The following INSL6 variants were observed in gnomAD, a reference collection of about 807,000 sequenced individuals.
INSL6 encodes the protein insulin like 6.
A neutral mutation model predicts 9.4 loss-of-function variants in INSL6; 16 were observed. The observed-to-expected ratio is 1.70, with a 90% confidence interval of 1.15 to 2.59. INSL6 has a LOEUF of 2.59. Ranked by LOEUF, INSL6 falls within the 30% of genes most tolerant of loss-of-function variation. INSL6 has a pLI of 0.00. For synonymous variants in INSL6, 154 were observed against 96.9 expected (o/e 1.59, Z -3.46); for missense variants, 391 against 257.3 (o/e 1.52, Z -3.56).
chr9:5,090,936 T>C, the INSL6 span: 3 of 1,481,128 alleles, frequency 2.0e-6, no homozygotes, highest in Middle Eastern at 2.1e-4. Context: ...GTATGATAAA[T>C]GAAATTTTAG....
At chr9:5,078,164 C>A in the INSL6 span, 66 of 587,162 alleles carry the variant, frequency 1.1e-4, no homozygotes, top group Non-Finnish European at 1.7e-4. Context: ...TCATAAATTT[C>A]CTTTTTTCTC....
chr9:5,054,982 C>G, the INSL6 span: 2 of 835,032 alleles, frequency 2.4e-6, no homozygotes, highest in Non-Finnish European at 1.8e-6. This position sits in a 1 kb window ranked among gnomAD's most constrained non-coding sequence, Gnocchi z 4.9. Context: ...TATTGCACTT[C>G]TCCCATTTGA....
At chr9:5,146,073 T>C (rs1040267862) in intron 2 of INSL6, among the ~76,000 whole-genome samples, 2 of 152,188 alleles carry the variant, frequency 1.3e-5, no homozygotes, top group Admixed American at 1.3e-4. Flanking sequence ...TTCTCATCTT[T>C]GTGGGCTTAT....
chr9:5,148,517 G>A (rs1300824201), intron 2 of INSL6, among the ~76,000 whole-genome samples: 1 of 152,112 alleles, frequency 6.6e-6, no homozygotes, highest in Non-Finnish European at 1.5e-5. Flanking sequence ...GGTATTTCGG[G>A]GCCACAGGGC....
downstream of INSL6, chr9:5,123,221 A>G (rs1564027196): frequency 1.4e-6 from 1 of 698,618 alleles, no homozygotes; most frequent in East Asian, 2.6e-5. Flanking sequence ...CATACATTGC[A>G]TAGTGGTGAA....
At chr9:5,054,885 G>A in the INSL6 span, 1 of 1,567,934 alleles carries the variant, frequency 6.4e-7, no homozygotes, top group Non-Finnish European at 8.7e-7. The surrounding 1 kb of genome is among the most constrained non-coding windows in gnomAD (Gnocchi z 4.9). Context: ...GACAGAACAG[G>A]TAATCCTTAA....
At chr9:5,021,616 T>C in the INSL6 span, among the ~76,000 whole-genome samples, 1 of 151,924 alleles carries the variant, frequency 6.6e-6, no homozygotes, top group Non-Finnish European at 1.5e-5. Flanking sequence ...TTTCCATTTG[T>C]AACTTTATTT....
chr9:5,087,079 G>A, the INSL6 span, among the ~76,000 whole-genome samples: 2 of 152,116 alleles, frequency 1.3e-5, no homozygotes, highest in African/African-American at 4.8e-5. Context: ...TTGAAAATTG[G>A]TTTCCAACAT....
intron 1 of INSL6, among the ~76,000 whole-genome samples, chr9:5,180,315 C>T (rs10974990): frequency 0.29 from 44,042 of 151,944 alleles, 6,406 homozygotes; most frequent in South Asian, 0.31. Flanking sequence ...GAAATCAGTG[C>T]ACCTTGAAAA....
chr9:5,153,864 A>G (rs201336236), intron 2 of INSL6, among the ~76,000 whole-genome samples: 1 of 152,222 alleles, frequency 6.6e-6, no homozygotes, highest in Non-Finnish European at 1.5e-5. Flanking sequence ...TCATGGATAG[A>G]AAGAATCAAT....
At chr9:5,134,552 G>C (rs1824353881) in intron 2 of INSL6, among the ~76,000 whole-genome samples, 1 of 152,056 alleles carries the variant, frequency 6.6e-6, no homozygotes, top group Non-Finnish European at 1.5e-5. Context: ...ATTCTTAAAA[G>C]AATTTTCAAC....
At chr9:5,056,105 C>G in the INSL6 span, among the ~76,000 whole-genome samples, 1 of 152,060 alleles carries the variant, frequency 6.6e-6, no homozygotes, top group African/African-American at 2.4e-5. Context: ...TCACCCCTGA[C>G]TAAAATATTT....
chr9:5,114,275 C>G, the INSL6 span: 8 of 544,854 alleles, frequency 1.5e-5, no homozygotes, highest in South Asian at 1.3e-4. Flanking sequence ...ACCTGGCACC[C>G]AGCAAGGAGA....
the INSL6 span, among the ~76,000 whole-genome samples, chr9:5,014,034 C>G: frequency 3.3e-5 from 5 of 151,878 alleles, no homozygotes; most frequent in African/African-American, 1.2e-4. Context: ...AAAGTTGTGT[C>G]TCTTAGAATT....
the INSL6 span, among the ~76,000 whole-genome samples, chr9:5,023,000 T>C: frequency 6.7e-6 from 1 of 149,686 alleles, no homozygotes; most frequent in Non-Finnish European, 1.5e-5. Context: ...TAACTGTAAG[T>C]TGGAGGAAGC....
the INSL6 span, chr9:5,101,050 C>G: frequency 6.6e-6 from 1 of 152,276 alleles, no homozygotes; most frequent in Non-Finnish European, 1.5e-5. Flanking sequence ...GTGCAGCCCA[C>G]AGAGGGCAAG....
At chr9:5,006,744 C>T in the INSL6 span, among the ~76,000 whole-genome samples, 2 of 152,230 alleles carry the variant, frequency 1.3e-5, no homozygotes, top group Non-Finnish European at 2.9e-5. Flanking sequence ...ATGACCCAGT[C>T]ACCTCTCACC....
chr9:5,163,842 C>T (rs1052935959), downstream of INSL6: 1 of 1,015,746 alleles, frequency 9.8e-7, no homozygotes, highest in Non-Finnish European at 1.5e-6. Context: ...CTTATATGCA[C>T]AATTACAAAA....
the INSL6 span, chr9:5,073,774 G>C: frequency 5.6e-6 from 9 of 1,604,134 alleles, no homozygotes; most frequent in Non-Finnish European, 7.7e-6. Flanking sequence ...GTATGTGTCT[G>C]TGGAGACGAG....
Sources: allele counts gnomAD v4.1 joint callset (sites outside exome capture counted in the v4.1 genomes callset), GRCh38; gene constraint gnomAD v4.1.1; non-coding constraint Gnocchi (gnomAD v3.1); transcripts MANE v1.5; gene names NCBI Gene and HGNC (gene_info 2026-07-23, HGNC 2026-07-21).